Variants in PACS2 observed in about 807,000 individuals in gnomAD.
PACS2 encodes phosphofurin acidic cluster sorting protein 2.
In PACS2, 36 loss-of-function variants were observed where a neutral mutation model predicts 113.0. The observed-to-expected ratio is 0.32, with a 90% CI of 0.24 to 0.42. PACS2 has a LOEUF of 0.42. Among genes scored for constraint, PACS2 ranks in the 10% least tolerant of loss-of-function variants. PACS2 has a pLI of 1.00. For synonymous variants in PACS2, 589 were observed against 536.1 expected, an observed-to-expected ratio of 1.10 and a Z score of -1.36; for missense variants, 1,015 against 1,239.5, an observed-to-expected ratio of 0.82 and a Z score of 2.72.
At chr14:105,353,131 C>A in intron 3 of PACS2, among the ~76,000 whole-genome samples, 1 of 119,658 alleles carries the variant, frequency 8.4e-6, no homozygotes, top group Non-Finnish European at 1.8e-5. Flanking sequence ...GGCACCCCCT[C>A]ATCACTGTCC....
chr14:105,341,232 T>G (rs1177384458), intron 1 of PACS2, among the ~76,000 whole-genome samples: 1 of 152,244 alleles, frequency 6.6e-6, no homozygotes, highest in African/African-American at 2.4e-5. Flanking sequence ...TTTTCCTGTA[T>G]GCCTCTCGCT....
intron 1 of PACS2, among the ~76,000 whole-genome samples, chr14:105,304,358 G>T (rs1442705132): frequency 2.0e-5 from 3 of 152,104 alleles, no homozygotes; most frequent in African/African-American, 7.2e-5. Context: ...TGTGATGGTG[G>T]GCGCCTGTAG....
chr14:105,372,304 C>G (rs1228238122), intron 8 of PACS2: 4 of 152,212 alleles, frequency 2.6e-5, no homozygotes, highest in African/African-American at 9.6e-5. Flanking sequence ...AGGTGGCACA[C>G]CTGGATAGTC....
intron 7 of PACS2, among the ~76,000 whole-genome samples, chr14:105,369,178 C>T (rs587669537): frequency 1.1e-4 from 17 of 152,348 alleles, no homozygotes; most frequent in African/African-American, 3.4e-4. Flanking sequence ...TTCAAGGGGG[C>T]GCTGTGGGCA....
At chr14:105,353,157 A>G (rs1481742540) in intron 3 of PACS2, among the ~76,000 whole-genome samples, 1 of 22,392 alleles carries the variant, frequency 4.5e-5, no homozygotes, top group African/African-American at 1.8e-4. Context: ...GGAGACGGGC[A>G]CCCCCATCAC....
intron 1 of PACS2, among the ~76,000 whole-genome samples, chr14:105,347,375 A>G (rs1267195049): frequency 2.0e-5 from 3 of 151,992 alleles, no homozygotes; most frequent in Non-Finnish European, 4.4e-5. Flanking sequence ...CGCCATGTCC[A>G]CACCCAATGC....
intron 1 of PACS2, among the ~76,000 whole-genome samples, chr14:105,303,085 C>T (rs1390641161): frequency 1.3e-5 from 2 of 152,096 alleles, no homozygotes; most frequent in African/African-American, 2.4e-5. Context: ...TGTGCCACCA[C>T]GCCCAGCTAA....
intron 2 of PACS2, among the ~76,000 whole-genome samples, chr14:105,349,020 C>T (rs2060050325): frequency 1.3e-5 from 2 of 152,244 alleles, no homozygotes; most frequent in Non-Finnish European, 2.9e-5. Context: ...CAGGGCCTCT[C>T]TCCTGACCCT....
chr14:105,347,557 G>A (rs2059988244), intron 1 of PACS2, among the ~76,000 whole-genome samples: 1 of 152,212 alleles, frequency 6.6e-6, no homozygotes, highest in African/African-American at 2.4e-5. Flanking sequence ...AAGGGAAAGT[G>A]TCCCCAGCAC....
intron 4 of PACS2, among the ~76,000 whole-genome samples, chr14:105,359,383 C>T (rs1262825649): frequency 6.6e-6 from 1 of 151,708 alleles, no homozygotes; most frequent in African/African-American, 2.4e-5. Context: ...TCTCAGTTCA[C>T]TGCAACCTCC....
chr14:105,345,582 C>G (rs1038513884), intron 1 of PACS2, among the ~76,000 whole-genome samples: 1 of 152,204 alleles, frequency 6.6e-6, no homozygotes, highest in Non-Finnish European at 1.5e-5. Context: ...TCCTTTGAGA[C>G]TTCCTTTGAT....
rs1359632453 is a variant in PACS2, at chr14:105,383,049, T to C, written c.1625+136T>C. 25 of 644,476 alleles carry C rather than the reference T, an allele frequency of 3.9e-5. 1 individual carries two copies. The highest frequency in any genetic ancestry group is 5.8e-5 in the Non-Finnish European group (21 of 363,042). 39.9% of individuals were successfully genotyped at this position (644,476 alleles called of 1,614,324 possible). On this transcript the variant is annotated intron_variant, in intron 15 of 24. Transcript: ENST00000447393. Reference sequence around the variant, plus strand: ...GCTGGTGTCCACAGAGGCTGACCCATGCGCTCTTCGCAGCCTGGCCTCCCC... The same window carrying C: ...GCTGGTGTCCACAGAGGCTGACCCACGCGCTCTTCGCAGCCTGGCCTCCCC...
chr14:105,364,667 AGT>A (rs1202071411), intron 4 of PACS2, among the ~76,000 whole-genome samples: 1 of 150,110 alleles, frequency 6.7e-6, no homozygotes, highest in Non-Finnish European at 1.5e-5. Flanking sequence ...TGTACAATTA[AGT>A]GTGACATCCT....
chr14:105,344,905 C>T (rs1475881825), intron 1 of PACS2, among the ~76,000 whole-genome samples: 1 of 150,134 alleles, frequency 6.7e-6, no homozygotes, highest in South Asian at 2.1e-4. Flanking sequence ...GTCAGGAGTT[C>T]GAGACCAGCC....
intron 4 of PACS2, among the ~76,000 whole-genome samples, chr14:105,363,953 G>A (rs1330639007): frequency 6.6e-6 from 1 of 152,100 alleles, no homozygotes; most frequent in Non-Finnish European, 1.5e-5. Flanking sequence ...GGGAATGGCC[G>A]GTGGGCTGAG....
At chr14:105,326,642 C>T (rs111320838) in intron 1 of PACS2, among the ~76,000 whole-genome samples, 24 of 152,340 alleles carry the variant, frequency 1.6e-4, no homozygotes, top group African/African-American at 5.5e-4. Context: ...CATGAGGCCC[C>T]TCGGTCTGGC....
intron 4 of PACS2, among the ~76,000 whole-genome samples, chr14:105,361,056 CAT>C (rs1555406356): frequency 6.6e-6 from 1 of 152,280 alleles, no homozygotes; most frequent in Non-Finnish European, 1.5e-5. Context: ...ATTTCCACCA[CAT>C]GTGCACTTCC....
chr14:105,352,123 G>A (rs113041098), intron 2 of PACS2, among the ~76,000 whole-genome samples: 1 of 152,194 alleles, frequency 6.6e-6, no homozygotes, highest in Non-Finnish European at 1.5e-5. Context: ...AGCAGGAGCC[G>A]CTCCTGGTTT....
chr14:105,387,714 T>C (rs1555413921), intron 19 of PACS2, among the ~76,000 whole-genome samples: 1 of 152,242 alleles, frequency 6.6e-6, no homozygotes, highest in Non-Finnish European at 1.5e-5. Flanking sequence ...TCGGCCCTCA[T>C]CTGCCACGCA....
Sources: gnomAD v4.1 joint callset for allele counts (sites outside exome capture counted in the v4.1 genomes callset) on GRCh38, gnomAD v4.1.1 for gene constraint, MANE v1.5 for transcripts, NCBI Gene and HGNC (gene_info 2026-07-23, HGNC 2026-07-21) for gene names.